Variants in SYN2 observed in about 807,000 individuals in gnomAD.
The protein encoded by SYN2 is synapsin-2.
In SYN2, 19 loss-of-function variants were observed where a neutral mutation model predicts 50.9. The observed-to-expected ratio is 0.37, with a 90% CI of 0.26 to 0.55. SYN2 has a LOEUF of 0.55. Ranked by LOEUF, SYN2 falls within the 20% of genes least tolerant of loss-of-function variation. The probability of loss-of-function intolerance (pLI) is 0.81; values close to 1 mark genes in which losing one functional copy is unlikely to be tolerated. For synonymous variants in SYN2, 255 were observed against 224.9 expected, an observed-to-expected ratio of 1.13 and a Z score of -1.20; for missense variants, 587 against 576.4, an observed-to-expected ratio of 1.02 and a Z score of -0.19.
chr3:12,086,877 A>C (rs2125178525), intron 1 of SYN2, among the ~76,000 whole-genome samples: 1 of 152,298 alleles, frequency 6.6e-6, no homozygotes, highest in East Asian at 1.9e-4. Flanking sequence ...TTAGGCAAGA[A>C]ATAGAAATAA....
At position 12,047,238 on chromosome 3, in the gene SYN2, A is replaced by G. The variant is rs564120930; in HGVS notation, c.377+42310A>G. On this transcript the variant is annotated intron_variant, in intron 1 of 12. Coordinates refer to ENST00000621198, the MANE Select transcript of SYN2 (RefSeq NM_133625.6). ...TGTTTTTGGTCTTAGATAAGAGGAG[A>G]GACACCTGATCTATTATTTTAACAG... Among the ~76,000 whole-genome samples the G allele has an allele frequency of 1.1e-4, 16 of 152,292 alleles. No homozygotes were observed. The South Asian group carries it at 3.3e-3, about 32-fold the overall frequency.
chr3:12,005,589 T>G (rs1223540707), intron 1 of SYN2, among the ~76,000 whole-genome samples: 1 of 151,564 alleles, frequency 6.6e-6, no homozygotes, highest in Non-Finnish European at 1.5e-5. Flanking sequence ...TTTTTTTTTT[T>G]TTTTGATTGC....
rs188271390 is a variant in SYN2 at position 12,098,186 on chromosome 3, T to G, written c.378-42465T>G. ...GATCTTAAAAAGATTAACAGCTTAT[T>G]CTCATCAGAAACCATGGAGACCAGA... On this transcript the variant is annotated intron_variant, in intron 1 of 12. Coordinates refer to ENST00000621198, the MANE Select transcript of SYN2 (RefSeq NM_133625.6). 6.6e-3 allele frequency among the ~76,000 whole-genome samples: 1,009 copies of G among 152,212 alleles called. 6 individuals are homozygous for G. The highest frequency in any genetic ancestry group is 0.023 in the African/African-American group (961 of 41,524).
intron 1 of SYN2, among the ~76,000 whole-genome samples, chr3:12,055,775 G>T (rs1292214264): frequency 3.3e-5 from 5 of 152,128 alleles, no homozygotes; most frequent in African/African-American, 1.2e-4. Context: ...TTTATTGGCT[G>T]TTGGCACATG....
chr3:12,129,363 G>A (rs1696740597), intron 1 of SYN2, among the ~76,000 whole-genome samples: 1 of 152,134 alleles, frequency 6.6e-6, no homozygotes, highest in South Asian at 2.1e-4. Context: ...CTTTGGAAAT[G>A]GGTACTGTCC....
chr3:12,041,959 G>C (rs766175314), intron 1 of SYN2, among the ~76,000 whole-genome samples: 1 of 152,170 alleles, frequency 6.6e-6, no homozygotes, highest in Non-Finnish European at 1.5e-5. Context: ...TTCTAAGACA[G>C]CTCATTTCTT....
chr3:12,159,003 C>A, intron 5 of SYN2: 1 of 1,037,842 alleles, frequency 9.6e-7, no homozygotes, highest in Non-Finnish European at 1.3e-6. Flanking sequence ...CTCTAGGCCA[C>A]CCGCGGAGGC....
chr3:12,189,137 AT>A (rs1303195775), intron 12 of SYN2, among the ~76,000 whole-genome samples: 1 of 152,162 alleles, frequency 6.6e-6, no homozygotes, highest in African/African-American at 2.4e-5. Context: ...TGCACCCAGC[AT>A]TTAAGGGAGG....
intron 1 of SYN2, among the ~76,000 whole-genome samples, chr3:12,131,314 A>G (rs1385186236): frequency 6.6e-6 from 1 of 152,216 alleles, no homozygotes; most frequent in Non-Finnish European, 1.5e-5. Flanking sequence ...CTACCAAAGG[A>G]TGGGAACCTG....
intron 1 of SYN2, among the ~76,000 whole-genome samples, chr3:12,014,272 C>T (rs938479555): frequency 1.3e-5 from 2 of 152,100 alleles, no homozygotes; most frequent in African/African-American, 4.8e-5. Flanking sequence ...TTGAATTGAG[C>T]AGCAAGAGAG....
chr3:12,181,894 A>G (rs1012389195), intron 10 of SYN2, among the ~76,000 whole-genome samples: 6 of 152,142 alleles, frequency 3.9e-5, no homozygotes, highest in African/African-American at 1.4e-4. Flanking sequence ...TTGCAGTGTC[A>G]GGCTCAGACT....
intron 1 of SYN2, among the ~76,000 whole-genome samples, chr3:12,068,831 G>A (rs1199339634): frequency 6.6e-6 from 1 of 152,030 alleles, no homozygotes; most frequent in African/African-American, 2.4e-5. Context: ...CATCTGCAGG[G>A]TTGTGCAACT....
rs1693756402 is a variant in SYN2, at chr3:12,004,802, G to C, written c.251G>C (p.Ser84Thr). Residue 84 changes from serine (S) to threonine (T), a missense_variant, in exon 1 of 13, where the codon AGC becomes ACC. Transcript: ENST00000621198. Reference protein sequence around the residue: ...PTPSVGSSFFSSLSQAVKQTA... With the variant: ...PTPSVGSSFFTSLSQAVKQTA... ...CCGTCGGTGGGCAGCAGCTTCTTCA[G>C]CTCGCTGTCCCAAGCCGTGAAGCAG... 2.5e-6 allele frequency: 1 copy of C among 400,770 alleles called. No individual in the cohort carries two copies. Among genetic ancestry groups the C allele is most frequent in the Non-Finnish European group, 4.4e-6 (1 of 227,572 alleles). The allele number at this position is 400,770 out of a possible 1,614,324, so 24.8% of individuals were successfully genotyped here.
chr3:12,145,674 A>T lies in SYN2; in HGVS notation c.528-5A>T, dbSNP rs1195225443. 3 of 1,613,668 alleles carry T rather than the reference A, an allele frequency of 1.9e-6. No homozygotes were observed. The highest frequency in any genetic ancestry group is 1.7e-6 in the Non-Finnish European group (2 of 1,179,748). ...ATGGCAAACCTGCCTCTACCTTCTC[A>T]CCAGGTCCTTCCGGCCAGACTTCGT... On this transcript the variant is annotated splice_region_variant and splice_polypyrimidine_tract_variant and intron_variant, in intron 3 of 12. Transcript: ENST00000621198.
intron 1 of SYN2, among the ~76,000 whole-genome samples, chr3:12,075,544 C>T (rs1012134600): frequency 3.9e-5 from 6 of 152,028 alleles, no homozygotes; most frequent in Non-Finnish European, 1.5e-5. Context: ...ACCTGCAGTC[C>T]ACATTTATCT....
At chr3:12,176,037 G>T (rs1237767641) in intron 10 of SYN2, among the ~76,000 whole-genome samples, 4 of 152,216 alleles carry the variant, frequency 2.6e-5, no homozygotes, top group African/African-American at 9.6e-5. Flanking sequence ...CGAGGTGGCA[G>T]TGACACCTGG....
rs780929231 is a variant in SYN2, at chr3:12,161,569, G to A, written c.798G>A (p.Val266=). The A allele has an allele frequency of 8.7e-6, 14 of 1,614,056 alleles. No individual in the cohort carries two copies. The African/African-American group carries it at 1.6e-4, about 18-fold the overall frequency. ...AGCTGACACTGCCCACGTTCCCTGT[G>A]GTGGTGAAGATTGGCCACGCTCACT... ...KEMLTLPTFP[V]VVKIGHAHSG... is the part of the protein sequence containing the mutation. Residue 266 remains valine (V), a synonymous_variant, in exon 6 of 13, where the codon GTG becomes GTA. Transcript: ENST00000621198.
intron 1 of SYN2, among the ~76,000 whole-genome samples, chr3:12,038,338 G>C (rs1350572088): frequency 6.6e-6 from 1 of 152,000 alleles, no homozygotes; most frequent in Non-Finnish European, 1.5e-5. Context: ...AGCAAGTTTT[G>C]AAATTGGAAA....
At chr3:12,027,404 G>C (rs903840375) in intron 1 of SYN2, among the ~76,000 whole-genome samples, 10 of 152,128 alleles carry the variant, frequency 6.6e-5, no homozygotes, top group Admixed American at 1.3e-4. Context: ...ACATATGAAA[G>C]ATGTCGTACC....
Sources: allele counts gnomAD v4.1 joint callset (sites outside exome capture counted in the v4.1 genomes callset), GRCh38; gene constraint gnomAD v4.1.1; transcripts MANE v1.5; gene names NCBI Gene and HGNC (gene_info 2026-07-23, HGNC 2026-07-21).